COPG2: variants seen among roughly 807,000 people sequenced by gnomAD.
COPG2 encodes coat protein complex I subunit gamma 2.
COPG2 carries 37 observed loss-of-function variants against 46.3 expected under a neutral mutation model. That is an observed-to-expected ratio of 0.80 (90% CI 0.61 to 1.05). COPG2 has a LOEUF of 1.05. COPG2 is among the 50% of genes least tolerant of loss of function. The pLI, the probability that COPG2 is intolerant of heterozygous loss-of-function variation, is 0.00. For synonymous variants in COPG2, 159 were observed against 129.7 expected (o/e 1.23, Z -1.53); for missense variants, 427 against 387.8 (o/e 1.10, Z -0.85).
chr7:130,508,225 A>G (rs1206678195), intron 21 of COPG2: 1 of 255,226 alleles, frequency 3.9e-6, no homozygotes, highest in East Asian at 8.0e-5. Flanking sequence ...CAAAAAACCA[A>G]AAAACAAAAC....
chr7:130,525,875 A>AG (rs1291081031), intron 20 of COPG2, among the ~76,000 whole-genome samples: 1 of 151,940 alleles, frequency 6.6e-6, no homozygotes, highest in African/African-American at 2.4e-5. Flanking sequence ...GAGGACAGAG[A>AG]GTGGGACCTA....
intron 20 of COPG2, among the ~76,000 whole-genome samples, chr7:130,524,892 T>C (rs1485854370): frequency 6.6e-6 from 1 of 151,788 alleles, no homozygotes; most frequent in East Asian, 1.9e-4. Flanking sequence ...ACAGACAAGG[T>C]AGGATGGTTT....
At chr7:130,519,626 G>A (rs957729744) in intron 20 of COPG2, among the ~76,000 whole-genome samples, 31 of 152,270 alleles carry the variant, frequency 2.0e-4, no homozygotes, top group Non-Finnish European at 3.5e-4. Context: ...GAAATGTTCA[G>A]GTTGTTTGTA....
intron 9 of COPG2, among the ~76,000 whole-genome samples, chr7:130,589,503 T>C (rs1554448528): frequency 6.6e-6 from 1 of 152,136 alleles, no homozygotes; most frequent in Non-Finnish European, 1.5e-5. Context: ...GGGGCTAGTC[T>C]TGAACTCCTG....
At chr7:130,627,111 T>C (rs782034381) in intron 5 of COPG2, among the ~76,000 whole-genome samples, 3 of 152,338 alleles carry the variant, frequency 2.0e-5, no homozygotes, top group East Asian at 1.9e-4. Flanking sequence ...GGCTTTTCTA[T>C]TGTGCTTAAA....
intron 9 of COPG2, among the ~76,000 whole-genome samples, chr7:130,604,152 G>A (rs781822098): frequency 3.0e-4 from 46 of 152,134 alleles, no homozygotes; most frequent in Non-Finnish European, 5.3e-4. Context: ...AAATCCATGT[G>A]TAAGTGGACC....
At chr7:130,524,740 A>T (rs1469200208) in intron 20 of COPG2, among the ~76,000 whole-genome samples, 2 of 152,268 alleles carry the variant, frequency 1.3e-5, no homozygotes, top group East Asian at 3.9e-4. Context: ...AGGTGGGAGG[A>T]GGCCAAGGGA....
intron 5 of COPG2, among the ~76,000 whole-genome samples, chr7:130,640,158 C>T (rs1006802261): frequency 3.1e-5 from 3 of 96,498 alleles, no homozygotes; most frequent in South Asian, 4.5e-4. Flanking sequence ...CACCACCAAC[C>T]TTTTTTTTTT....
chr7:130,610,098 G>A (rs1325430469), intron 9 of COPG2: 1 of 519,118 alleles, frequency 1.9e-6, no homozygotes, highest in African/African-American at 1.9e-5. Context: ...CTTGTTTATG[G>A]GTTACATGTC....
intron 20 of COPG2, among the ~76,000 whole-genome samples, chr7:130,517,685 A>G (rs1241036174): frequency 6.6e-6 from 1 of 152,206 alleles, no homozygotes; most frequent in Non-Finnish European, 1.5e-5. Context: ...CAAGAGTATA[A>G]TGCTATATCC....
At chr7:130,633,434 A>T (rs1795268024) in intron 5 of COPG2, among the ~76,000 whole-genome samples, 1 of 152,018 alleles carries the variant, frequency 6.6e-6, no homozygotes, top group Non-Finnish European at 1.5e-5. Flanking sequence ...AATGATCGCC[A>T]CTCTAAGTGG....
intron 9 of COPG2, among the ~76,000 whole-genome samples, chr7:130,600,797 TATG>T (rs1238867861): frequency 3.9e-5 from 6 of 152,226 alleles, no homozygotes; most frequent in African/African-American, 1.4e-4. Flanking sequence ...TTACATTCAT[TATG>T]ATAAATGTTA....
In COPG2 at chr7:130,582,832, A is replaced by C. The variant is rs1370974010; in HGVS notation, c.738-18439T>G. Among the ~76,000 whole-genome samples, 169 of 152,014 alleles carry C rather than the reference A, an allele frequency of 1.1e-3. 1 individual carries two copies. Among genetic ancestry groups the C allele is most frequent in the Non-Finnish European group, 2.0e-3 (135 of 67,892 alleles). On this transcript the variant is annotated intron_variant, in intron 9 of 23. Transcript: ENST00000425248. Reference sequence around the variant, plus strand: ...CACAACAGTTAGAATGGCAATCATTAAAAAGTCAGGAAACAACAGGTGCTG... The same window carrying C: ...CACAACAGTTAGAATGGCAATCATTCAAAAGTCAGGAAACAACAGGTGCTG...
rs1312982498 is a variant in COPG2 at position 130,618,667 on chromosome 7, T to G, written c.324-1602A>C. On this transcript the variant is annotated intron_variant, in intron 5 of 23. Coordinates refer to ENST00000425248, the MANE Select transcript of COPG2 (RefSeq NM_012133.6). ...GTTTTCATAAGTATTAATCAATCTGTATCAAGTATATTATTCATATCTTTT... is the reference window on the plus strand; with the variant it reads ...GTTTTCATAAGTATTAATCAATCTGGATCAAGTATATTATTCATATCTTTT... Among the ~76,000 whole-genome samples, 5 of 152,226 alleles carry G rather than the reference T, an allele frequency of 3.3e-5. No homozygotes were observed. In the South Asian group the frequency reaches 1.0e-3, roughly 31 times the overall value.
intron 9 of COPG2, among the ~76,000 whole-genome samples, chr7:130,577,785 A>C (rs1554446488): frequency 0.42 from 62,360 of 146,740 alleles, 16,115 homozygotes; most frequent in East Asian, 0.59. Context: ...AAAAAAAAAA[A>C]AAACAAAAAA....
At chr7:130,615,910 C>T (rs1554452770) in intron 6 of COPG2, among the ~76,000 whole-genome samples, 1 of 152,136 alleles carries the variant, frequency 6.6e-6, no homozygotes, top group East Asian at 1.9e-4. Context: ...AATAAATTTC[C>T]CCCACTCCTT....
At chr7:130,655,178 T>G (rs1272325423) in intron 4 of COPG2, among the ~76,000 whole-genome samples, 3 of 152,208 alleles carry the variant, frequency 2.0e-5, no homozygotes, top group Non-Finnish European at 4.4e-5. Flanking sequence ...TTGTGAAGTT[T>G]ATTTTGGTGT....
intron 9 of COPG2, among the ~76,000 whole-genome samples, chr7:130,568,006 C>T (rs985018791): frequency 1.3e-5 from 2 of 152,102 alleles, no homozygotes; most frequent in African/African-American, 4.8e-5. Context: ...GGGCTAGGTG[C>T]GGTGACTCAC....
intron 9 of COPG2, among the ~76,000 whole-genome samples, chr7:130,571,629 C>T (rs1793901605): frequency 6.6e-6 from 1 of 152,116 alleles, no homozygotes; most frequent in Non-Finnish European, 1.5e-5. Flanking sequence ...CTATGGAAAA[C>T]AGTGTGGAGA....
Sources: allele counts gnomAD v4.1 joint callset (sites outside exome capture counted in the v4.1 genomes callset), GRCh38; gene constraint gnomAD v4.1.1; transcripts MANE v1.5; gene names NCBI Gene and HGNC (gene_info 2026-07-23, HGNC 2026-07-21).